Variants in NBPF11 observed in about 807,000 individuals in gnomAD.
NBPF11 encodes NBPF family member NBPF11.
Under a neutral mutation model 93.9 loss-of-function variants are expected in NBPF11, and 72 were observed. That is an observed-to-expected ratio of 0.77 (90% CI 0.63 to 0.93). NBPF11 has a LOEUF of 0.93. Ranked by LOEUF, NBPF11 falls within the 40% of genes least tolerant of loss-of-function variation. NBPF11 has a pLI of 0.00. For synonymous variants in NBPF11, 224 were observed against 304.9 expected (o/e 0.73, Z 2.76); for missense variants, 705 against 802.2 (o/e 0.88, Z 1.46).
Position 148,134,110 on chromosome 1 carries a change from G to A in NBPF11, c.-36+1562C>T, listed in dbSNP as rs1302960942. ...GACCTCCAGCCTGTAGAGGAGAGGC[G>A]CCACAGGACCTTTACATGCACGCCG... On this transcript the variant is annotated intron_variant, in intron 4 of 23. Transcript: ENST00000682118. Among the ~76,000 whole-genome samples, 179 of 152,080 alleles carry A rather than the reference G, an allele frequency of 1.2e-3. 1 individual carries two copies. The highest frequency in any genetic ancestry group is 2.1e-3 in the Non-Finnish European group (142 of 68,024).
rs1192212163 is a variant in NBPF11, at chr1:148,137,318, T to C, written c.-178+393A>G. 9.9e-5 allele frequency among the ~76,000 whole-genome samples: 15 copies of C among 151,240 alleles called. 1 individual carries two copies. The highest frequency in any genetic ancestry group is 3.7e-4 in the African/African-American group (15 of 40,844). On this transcript the variant is annotated intron_variant, in intron 3 of 23. Transcript: ENST00000682118. ...CAGGTAAGGAGGAAAGCACGTGGCC[T>C]CTGGAGTCAGAGTAGACTGTCTCCC...
chr1:148,106,619 C>G lies in NBPF11; in HGVS notation c.2251+323G>C, dbSNP rs1245259731. 7.6e-3 allele frequency among the ~76,000 whole-genome samples: 943 copies of G among 124,356 alleles called. 36 individuals are homozygous for G. Among genetic ancestry groups the G allele is most frequent in the East Asian group, 0.016 (57 of 3,634 alleles). 81.6% of individuals were successfully genotyped at this position (124,356 alleles called of 152,430 possible). The stretch of plus-strand genomic sequence containing the variant: ...GCAAGAATTTTAGACACTGAAATTA[C>G]AATGAAGGAGGAAATCTACAAACCC... On this transcript the variant is annotated intron_variant, in intron 20 of 23. Coordinates refer to ENST00000682118, the MANE Select transcript of NBPF11 (RefSeq NM_001385469.3).
At chr1:148,149,022 G>T in intron 1 of NBPF11, 2 of 686,006 alleles carry the variant, frequency 2.9e-6, no homozygotes, top group Non-Finnish European at 4.9e-6. Context: ...GACTGGTGTG[G>T]AGCCTGAGCC....
intron 11 of NBPF11, 40 bp downstream of exon 11, chr1:148,118,580 C>T (rs2149220600): frequency 6.3e-7 from 1 of 1,578,452 alleles, no homozygotes; most frequent in Non-Finnish European, 8.7e-7. Context: ...CAGAGATTTA[C>T]ACACCTGCCC....
chr1:148,145,122 CTAAAA>C (rs1363060224), intron 1 of NBPF11, among the ~76,000 whole-genome samples: 1 of 147,166 alleles, frequency 6.8e-6, no homozygotes, highest in Non-Finnish European at 1.5e-5. Context: ...AATGCAAAAA[CTAAAA>C]TAAAATTGCT....
intron 4 of NBPF11, among the ~76,000 whole-genome samples, chr1:148,133,303 T>C (rs1164243560): frequency 3.3e-5 from 5 of 152,026 alleles, no homozygotes; most frequent in South Asian, 4.1e-4. Flanking sequence ...TTTTCAATAC[T>C]TTATTAATTT....
At chr1:148,116,836 G>C (rs1273298171) in intron 12 of NBPF11, among the ~76,000 whole-genome samples, 1 of 152,032 alleles carries the variant, frequency 6.6e-6, no homozygotes, top group African/African-American at 2.4e-5. Flanking sequence ...CCCCCATCCT[G>C]CCAGATCTGA....
In NBPF11 at chr1:148,120,635, T is replaced by C; in HGVS notation, c.854A>G (p.Glu285Gly). Reference sequence around the variant, plus strand: ...CTCATTGATTTCTAGAATGTTCATCTCTGCCTTCTCGCTGGACAAAGGGCC... The same window carrying C: ...CTCATTGATTTCTAGAATGTTCATCCCTGCCTTCTCGCTGGACAAAGGGCC... Reference protein sequence around the residue: ...SAGPLSSEKAEMNILEINEKL... With the variant: ...SAGPLSSEKAGMNILEINEKL... Residue 285 changes from glutamate (E) to glycine (G), a missense_variant, in exon 10 of 24, where the codon GAG (glutamate) becomes GGG (glycine). Transcript: ENST00000682118. The C allele has an allele frequency of 6.5e-7, 1 of 1,543,174 alleles. No individual in the cohort carries two copies. Among genetic ancestry groups the C allele is most frequent in the East Asian group, 2.3e-5 (1 of 44,306 alleles).
intron 1 of NBPF11, among the ~76,000 whole-genome samples, chr1:148,148,487 C>T (rs1169209892): frequency 1.3e-5 from 2 of 151,978 alleles, no homozygotes; most frequent in Admixed American, 6.5e-5. Context: ...GTGAGGGTGC[C>T]CCTGGGTGGG....
At chr1:148,116,432 C>A in intron 13 of NBPF11, 31 bp downstream of exon 13, 1 of 709,298 alleles carries the variant, frequency 1.4e-6, no homozygotes, top group Non-Finnish European at 2.6e-6. Context: ...ATGTTACCAT[C>A]CATTAATTGT....
At chr1:148,149,256 T>C in intron 1 of NBPF11, 1 of 1,595,430 alleles carries the variant, frequency 6.3e-7, no homozygotes. Flanking sequence ...TGTGCCGCGG[T>C]GGTGCTGCAC....
chr1:148,132,042 T>C (rs1321485795), intron 4 of NBPF11, among the ~76,000 whole-genome samples: 9 of 139,398 alleles, frequency 6.5e-5, no homozygotes, highest in Non-Finnish European at 1.2e-4. Flanking sequence ...TAATTGACCA[T>C]TCATGTATCT....
chr1:148,124,608 T>C (rs1433651289), intron 6 of NBPF11, among the ~76,000 whole-genome samples: 4 of 151,726 alleles, frequency 2.6e-5, no homozygotes, highest in Admixed American at 6.6e-5. Flanking sequence ...ATTTTGATTA[T>C]ACTGAATGCT....
intron 1 of NBPF11, among the ~76,000 whole-genome samples, chr1:148,148,450 C>T (rs1210131348): frequency 6.6e-6 from 1 of 152,080 alleles, no homozygotes; most frequent in Non-Finnish European, 1.5e-5. Context: ...TCAGCTGGGT[C>T]AGGGGCCGCA....
chr1:148,141,622 C>A (rs1407639029), intron 2 of NBPF11, among the ~76,000 whole-genome samples: 4 of 151,846 alleles, frequency 2.6e-5, no homozygotes, highest in Non-Finnish European at 5.9e-5. Context: ...TACCTCTAAC[C>A]CTGGGGTGCC....
At chr1:148,111,250 C>T (rs1239181199) in intron 15 of NBPF11, among the ~76,000 whole-genome samples, 1 of 152,118 alleles carries the variant, frequency 6.6e-6, no homozygotes, top group African/African-American at 2.4e-5. Flanking sequence ...ATCTGTAGGT[C>T]ACCATCATCA....
At chr1:148,108,842 GACACACACACAC>G (rs71270029) in intron 17 of NBPF11, among the ~76,000 whole-genome samples, 188 bp from the exon 18 acceptor site, 255 of 112,820 alleles carry the variant, frequency 2.3e-3, no homozygotes, top group African/African-American at 7.5e-3. Flanking sequence ...GAAAGAGAAA[GACACACACACAC>G]ACACACACAC....
At position 148,105,541 on chromosome 1, in the gene NBPF11, G is replaced by A; in HGVS notation, c.2304-13C>T. On this transcript the variant is annotated splice_polypyrimidine_tract_variant and intron_variant, in intron 21 of 23. Coordinates refer to ENST00000682118, the MANE Select transcript of NBPF11 (RefSeq NM_001385469.3). The stretch of plus-strand genomic sequence containing the variant: ...CTCCCTGCTGAGCCTGGAAAAGGAG[G>A]AAAAAGTAAAGAATAAGCCAGGGGA... The A allele has an allele frequency of 2.7e-6, 2 of 743,438 alleles. 1 individual carries two copies. The allele number at this position is 743,438 out of a possible 1,614,324, so 46.1% of individuals were successfully genotyped here. A position where few individuals can be genotyped will look rare whatever the true frequency, so the allele number is the denominator to read the frequency against.
At chr1:148,149,172 G>C in intron 1 of NBPF11, 1 of 1,589,708 alleles carries the variant, frequency 6.3e-7, no homozygotes, top group Non-Finnish European at 8.5e-7. Context: ...TACGGCATCA[G>C]CCCGGACAGC....
Sources: allele counts gnomAD v4.1 joint callset (sites outside exome capture counted in the v4.1 genomes callset), GRCh38; gene constraint gnomAD v4.1.1; transcripts MANE v1.5; gene names NCBI Gene and HGNC (gene_info 2026-07-23, HGNC 2026-07-21).